The following TADA2A variants were observed in gnomAD, a reference collection of about 807,000 sequenced individuals.
TADA2A encodes transcriptional adapter 2-alpha.
In TADA2A, 38 loss-of-function variants were observed where a neutral mutation model predicts 67.4. The ratio of observed to expected loss-of-function variants is 0.56; its 90% CI spans 0.44 to 0.74. The LOEUF is 0.74. TADA2A is among the 30% of genes least tolerant of loss of function. The pLI is 0.00. For missense variants in TADA2A, 454 were observed against 547.0 expected (o/e 0.83, Z 1.70); for synonymous variants, 192 against 181.6 (o/e 1.06, Z -0.46).
At chr17:37,431,212 A>G (rs1172573131) in intron 4 of TADA2A, among the ~76,000 whole-genome samples, 1 of 152,172 alleles carries the variant, frequency 6.6e-6, no homozygotes, top group Non-Finnish European at 1.5e-5. Flanking sequence ...GCTATGTAAC[A>G]GCTACCTCAA....
In TADA2A at chr17:37,478,297, T is replaced by C. The variant is rs2053929764; in HGVS notation, c.*1315T>C. ...TGGGTGTGTCAAATATTCTGGTAAC[T>C]GAAACACACTTAAGGTGTTGGATGC... On this transcript the variant is annotated 3_prime_UTR_variant, in exon 16 of 16. Transcript: ENST00000615182. The C allele has an allele frequency of 6.6e-6, 1 of 152,202 alleles. No individual in the cohort carries two copies. Among genetic ancestry groups the C allele is most frequent in the African/African-American group, 2.4e-5 (1 of 41,444 alleles). The allele number at this position is 152,202 out of a possible 1,614,324, so 9.4% of individuals were successfully genotyped here. A position where few individuals can be genotyped will look rare whatever the true frequency, so the allele number is the denominator to read the frequency against.
chr17:37,420,025 A>C (rs2052183503), intron 2 of TADA2A, among the ~76,000 whole-genome samples: 1 of 145,850 alleles, frequency 6.9e-6, no homozygotes, highest in Non-Finnish European at 1.5e-5. Flanking sequence ...AAAAAAAAAA[A>C]CTACTTTGCT....
intron 10 of TADA2A, among the ~76,000 whole-genome samples, chr17:37,464,463 A>G (rs2053615557): frequency 6.6e-6 from 1 of 152,190 alleles, no homozygotes; most frequent in Admixed American, 6.5e-5. Context: ...AATTTTGGCC[A>G]TAATTCTTCC....
rs2052883569 is a variant in TADA2A, at chr17:37,440,546, A to T, written c.326A>T (p.Glu109Val). 5 of 1,614,010 alleles carry T rather than the reference A, an allele frequency of 3.1e-6. No homozygotes were observed. Among genetic ancestry groups the T allele is most frequent in the Non-Finnish European group, 3.4e-6 (4 of 1,180,034 alleles). Reference protein sequence around the residue: ...ANQMCTKTKEECEKHYMKHFI... With the variant: ...ANQMCTKTKEVCEKHYMKHFI... ...CAAATGTGCACCAAGACCAAGGAGG[A>T]GTGTGAGAAGCACTATATGAAGCAT... The change falls in exon 6 of 16, where the codon GAG becomes GTG. Residue 109 changes from glutamate to valine, a missense_variant. Glu to Val is a moderately radical substitution (Grantham distance 121). Around this residue, in one of 2 missense-constraint regions of TADA2A, gnomAD observed 403 missense variants for 455.5 expected, o/e 0.88. Coordinates refer to ENST00000615182, the MANE Select transcript of TADA2A (RefSeq NM_001166105.3).
intron 2 of TADA2A, among the ~76,000 whole-genome samples, chr17:37,413,658 C>A (rs1265166155): frequency 6.6e-6 from 1 of 151,996 alleles, no homozygotes; most frequent in African/African-American, 2.4e-5. Context: ...GCGATGCCCC[C>A]ACCTTGGCCT....
chr17:37,408,987 A>G (rs1274465192), intron 1 of TADA2A, among the ~76,000 whole-genome samples: 2 of 152,234 alleles, frequency 1.3e-5, no homozygotes, highest in African/African-American at 4.8e-5. Context: ...TAGAATTAAC[A>G]TTTATTAGTC....
intron 9 of TADA2A, among the ~76,000 whole-genome samples, chr17:37,460,281 C>T (rs1246736283): frequency 1.3e-5 from 2 of 151,130 alleles, no homozygotes; most frequent in African/African-American, 2.4e-5. Context: ...GGTCTTGCTC[C>T]GTCACCCAGG....
intron 3 of TADA2A, 188 bp from the exon 4 acceptor site, chr17:37,426,762 T>C: frequency 2.1e-6 from 1 of 471,588 alleles, no homozygotes; most frequent in South Asian, 3.3e-5. Flanking sequence ...CAAGGATCCC[T>C]TGAGCCTAGG....
chr17:37,461,626 C>A (rs1350904826), intron 9 of TADA2A, among the ~76,000 whole-genome samples: 1 of 152,148 alleles, frequency 6.6e-6, no homozygotes, highest in East Asian at 1.9e-4. Flanking sequence ...ATTTCTAGTA[C>A]CGCCAGTGTT....
chr17:37,459,751 C>G (rs1349305120), intron 9 of TADA2A, among the ~76,000 whole-genome samples: 1 of 151,840 alleles, frequency 6.6e-6, no homozygotes, highest in Non-Finnish European at 1.5e-5. Flanking sequence ...CACCACCACA[C>G]TTGGCTAATT....
At chr17:37,446,096 T>TTG (rs1203654845) in intron 8 of TADA2A, among the ~76,000 whole-genome samples, 12 of 119,418 alleles carry the variant, frequency 1.0e-4, no homozygotes, top group African/African-American at 2.4e-4. Flanking sequence ...GGTTTTTTTT[T>TTG]GGGGGGGTTT....
At chr17:37,457,791 C>T (rs140824592) in intron 8 of TADA2A, among the ~76,000 whole-genome samples, 197 of 152,152 alleles carry the variant, frequency 1.3e-3, no homozygotes, top group African/African-American at 4.6e-3. Context: ...CCACCACGCC[C>T]AGCCCAATAT....
chr17:37,451,018 T>G (rs1238648176), intron 8 of TADA2A, among the ~76,000 whole-genome samples: 4 of 151,020 alleles, frequency 2.6e-5, no homozygotes, highest in African/African-American at 9.7e-5. Context: ...ATCAGCAGTA[T>G]TTATTCAGAG....
chr17:37,414,923 G>A (rs1466719566), intron 2 of TADA2A, among the ~76,000 whole-genome samples: 6 of 144,870 alleles, frequency 4.1e-5, no homozygotes, highest in African/African-American at 1.0e-4. Context: ...ACAGAGCTTC[G>A]CTCTTGTCAC....
At chr17:37,436,759 C>A (rs1443798402) in intron 4 of TADA2A, among the ~76,000 whole-genome samples, 2 of 151,804 alleles carry the variant, frequency 1.3e-5, no homozygotes, top group Admixed American at 1.3e-4. Context: ...ACCCTGTTCT[C>A]TTTCTTCCTC....
At chr17:37,466,399 G>A (rs529547895) in intron 11 of TADA2A, among the ~76,000 whole-genome samples, 11 of 152,190 alleles carry the variant, frequency 7.2e-5, no homozygotes, top group Non-Finnish European at 1.6e-4. Flanking sequence ...CAGCCTGAGC[G>A]ACAGAGTGAG....
chr17:37,430,827 TAC>T (rs1649375779), intron 4 of TADA2A, among the ~76,000 whole-genome samples: 1 of 152,222 alleles, frequency 6.6e-6, no homozygotes, highest in Admixed American at 6.5e-5. Context: ...TATTCTAAAA[TAC>T]AGTTTTACAA....
chr17:37,418,078 A>G lies in TADA2A; in HGVS notation c.26-5431A>G, dbSNP rs78519407. 4.5e-3 allele frequency among the ~76,000 whole-genome samples: 688 copies of G among 152,280 alleles called. 24 individuals carry two copies. The East Asian group carries it at 0.074, about 16-fold the overall frequency. ...CGTGTCATGTTGGTGACTAAGAAAC[A>G]CCACAAGCTAGAATAACTAAACGTT... is the stretch of plus-strand genomic sequence containing the variant. On this transcript the variant is annotated intron_variant, in intron 2 of 15. Coordinates refer to ENST00000615182, the MANE Select transcript of TADA2A (RefSeq NM_001166105.3).
rs117373044 is a variant in TADA2A, at chr17:37,471,129, C to T, written c.1064C>T (p.Ser355Leu). 292 of 1,614,018 alleles carry T rather than the reference C, an allele frequency of 1.8e-4. No homozygotes were observed. The highest frequency in any genetic ancestry group is 2.3e-4 in the Non-Finnish European group (277 of 1,179,976). ...SGLSPSIPMA[S>L]NSGRRSAPPL... ...CTGAGTCCTTCCATTCCAATGGCTT[C>T]GAATTCAGGTAATTATTTCTCAGGC... The change falls in exon 14 of 16, where the codon TCG (serine) becomes TTG (leucine). Residue 355 changes from serine to leucine, a missense_variant. Physicochemically the swap from Ser to Leu is moderately radical, Grantham distance 145. Coordinates refer to ENST00000615182, the MANE Select transcript of TADA2A (RefSeq NM_001166105.3).
Sources: allele counts gnomAD v4.1 joint callset (sites outside exome capture counted in the v4.1 genomes callset), GRCh38; gene constraint gnomAD v4.1.1; regional missense constraint gnomAD v4.1.1; transcripts MANE v1.5; gene names NCBI Gene and HGNC (gene_info 2026-07-23, HGNC 2026-07-21).